RANBP2: variants seen among roughly 807,000 people sequenced by gnomAD.
RANBP2 encodes the protein RAN binding protein 2.
RANBP2 carries 57 observed loss-of-function variants against 303.6 expected under a neutral mutation model. The ratio of observed to expected loss-of-function variants is 0.19; its 90% CI spans 0.15 to 0.23. RANBP2 has a LOEUF of 0.23. Among genes scored for constraint, RANBP2 ranks in the 10% least tolerant of loss-of-function variants. The pLI, the probability that RANBP2 is intolerant of heterozygous loss-of-function variation, is 1.00. For missense variants in RANBP2, 3,138 were observed against 3,780.8 expected (o/e 0.83, Z 4.46); for synonymous variants, 1,167 against 1,301.5 (o/e 0.90, Z 2.23).
the RANBP2 span, among the ~76,000 whole-genome samples, chr2:109,436,552 C>T: frequency 6.6e-6 from 1 of 152,246 alleles, no homozygotes; most frequent in African/African-American, 2.4e-5. Flanking sequence ...ATGACTGAGT[C>T]ATCTGTTCTT....
chr2:109,468,577 G>A, the RANBP2 span, among the ~76,000 whole-genome samples: 83 of 152,216 alleles, frequency 5.5e-4, no homozygotes, highest in East Asian at 8.1e-3. Flanking sequence ...AGTTAGGCCC[G>A]GTGTGGTAGC....
the RANBP2 span, among the ~76,000 whole-genome samples, chr2:109,596,879 T>TG: frequency 6.6e-6 from 1 of 152,326 alleles, no homozygotes; most frequent in South Asian, 2.1e-4. Flanking sequence ...TAGTACTACT[T>TG]GGTCAGTTAA....
At chr2:109,018,811 C>A in the RANBP2 span, among the ~76,000 whole-genome samples, 1 of 152,246 alleles carries the variant, frequency 6.6e-6, no homozygotes, top group Non-Finnish European at 1.5e-5. Context: ...CGTACAGCAA[C>A]ACTTGTCCTA....
At chr2:109,082,282 T>G in the RANBP2 span, among the ~76,000 whole-genome samples, 1 of 152,136 alleles carries the variant, frequency 6.6e-6, no homozygotes, top group Non-Finnish European at 1.5e-5. Context: ...TTAGCACCCC[T>G]TTTTTATTTT....
chr2:109,045,201 C>A, the RANBP2 span, among the ~76,000 whole-genome samples: 1 of 151,944 alleles, frequency 6.6e-6, no homozygotes, highest in Non-Finnish European at 1.5e-5. Flanking sequence ...TGAAGAAGGA[C>A]AAAGAGGGTA....
chr2:108,768,944 G>A (rs1484994335), intron 20 of RANBP2, among the ~76,000 whole-genome samples: 4 of 151,888 alleles, frequency 2.6e-5, no homozygotes, highest in African/African-American at 9.7e-5. Context: ...TGAGGCAGGA[G>A]GATCACTTGA....
the RANBP2 span, chr2:108,910,852 T>C: frequency 6.2e-7 from 1 of 1,613,918 alleles, no homozygotes; most frequent in Non-Finnish European, 8.5e-7. Flanking sequence ...TGCAACAGGC[T>C]GGGGAGAGAG....
At chr2:109,731,573 T>C in the RANBP2 span, among the ~76,000 whole-genome samples, 2 of 152,094 alleles carry the variant, frequency 1.3e-5, no homozygotes, top group East Asian at 3.9e-4. Flanking sequence ...TTTTGTATTT[T>C]TAGTAGAGAC....
chr2:108,752,561 A>T (rs1258059973), intron 12 of RANBP2, among the ~76,000 whole-genome samples: 1 of 148,756 alleles, frequency 6.7e-6, no homozygotes, highest in Non-Finnish European at 1.5e-5. Flanking sequence ...TCACAAGGTC[A>T]GGAGATCGAG....
the RANBP2 span, among the ~76,000 whole-genome samples, chr2:109,208,306 C>T: frequency 6.6e-6 from 1 of 152,216 alleles, no homozygotes; most frequent in African/African-American, 2.4e-5. Flanking sequence ...TGGGGCATAT[C>T]CCTTCCCTTA....
At chr2:109,089,157 A>G in the RANBP2 span, among the ~76,000 whole-genome samples, 1 of 147,232 alleles carries the variant, frequency 6.8e-6, no homozygotes, top group Non-Finnish European at 1.5e-5. Context: ...TTCCTTCGGG[A>G]GAGCCAGATG....
the RANBP2 span, among the ~76,000 whole-genome samples, chr2:109,559,165 C>CA: frequency 6.6e-6 from 1 of 152,174 alleles, no homozygotes; most frequent in Non-Finnish European, 1.5e-5. Flanking sequence ...AAATTACAGG[C>CA]ATAAGCCACC....
chr2:109,586,126 T>A, the RANBP2 span, among the ~76,000 whole-genome samples: 2 of 152,226 alleles, frequency 1.3e-5, no homozygotes, highest in African/African-American at 4.8e-5. Flanking sequence ...TATGGCATAT[T>A]CACTTACAAA....
the RANBP2 span, among the ~76,000 whole-genome samples, chr2:109,731,455 C>T: frequency 2.0e-5 from 3 of 151,728 alleles, no homozygotes; most frequent in Non-Finnish European, 2.9e-5. Flanking sequence ...AGTGCAGTGG[C>T]GTGATCTCAG....
the RANBP2 span, among the ~76,000 whole-genome samples, chr2:109,509,596 G>A: frequency 3.3e-5 from 5 of 151,968 alleles, no homozygotes; most frequent in Non-Finnish European, 7.4e-5. Context: ...GTGCAATTTT[G>A]TTACATGCCA....
chr2:109,257,858 A>G, the RANBP2 span, among the ~76,000 whole-genome samples: 1,114 of 152,272 alleles, frequency 7.3e-3, 8 homozygotes, highest in South Asian at 0.024. Context: ...CCAGTGAGTC[A>G]CAGTAAACAC....
At chr2:109,486,103 T>A in the RANBP2 span, among the ~76,000 whole-genome samples, 1 of 152,216 alleles carries the variant, frequency 6.6e-6, no homozygotes, top group African/African-American at 2.4e-5. Flanking sequence ...TAACCCTCAA[T>A]AACCTTTCTT....
At chr2:109,279,333 G>A in the RANBP2 span, among the ~76,000 whole-genome samples, 57 of 152,318 alleles carry the variant, frequency 3.7e-4, no homozygotes, top group African/African-American at 1.3e-3. Flanking sequence ...GGCTAGTGAA[G>A]GTTCAAGCAC....
chr2:109,418,565 G>T, the RANBP2 span, among the ~76,000 whole-genome samples: 1 of 151,958 alleles, frequency 6.6e-6, no homozygotes, highest in African/African-American at 2.4e-5. Context: ...TCCACATCCC[G>T]GTCCTCCTTC....
Sources: gnomAD v4.1 joint callset for allele counts (sites outside exome capture counted in the v4.1 genomes callset) on GRCh38, gnomAD v4.1.1 for gene constraint, MANE v1.5 for transcripts, NCBI Gene and HGNC (gene_info 2026-07-23, HGNC 2026-07-21) for gene names.